The following NKAIN3 variants were observed in gnomAD, a reference collection of about 807,000 sequenced individuals.
NKAIN3 encodes sodium/potassium-transporting ATPase subunit beta-1-interacting protein 3.
In NKAIN3, 25 loss-of-function variants were observed where a neutral mutation model predicts 30.2. The observed-to-expected ratio is 0.83, with a 90% CI of 0.60 to 1.16. The LOEUF is 1.16. Among genes scored for constraint, NKAIN3 ranks in the 50% most tolerant of loss-of-function variants. The pLI is 0.00. For missense variants in NKAIN3, 225 were observed against 254.1 expected, an observed-to-expected ratio of 0.89 and a Z score of 0.78; for synonymous variants, 91 against 89.6, an observed-to-expected ratio of 1.02 and a Z score of -0.09.
rs186897940 is a variant in NKAIN3 at position 62,738,669 on chromosome 8, G to T, written c.274-8263G>T. Among the ~76,000 whole-genome samples the T allele has an allele frequency of 5.4e-5, 8 of 148,490 alleles. No homozygotes were observed. In the East Asian group the frequency reaches 1.6e-3, roughly 29 times the overall value. On this transcript the variant is annotated intron_variant, in intron 3 of 6. Coordinates refer to ENST00000623646, the MANE Select transcript of NKAIN3 (RefSeq NM_001304533.3). ...ATATCATATCCTTTGCCCACTTTTT[G>T]ATGGGGTTGTTTTTTCTTGTAAATT...
intron 4 of NKAIN3, among the ~76,000 whole-genome samples, chr8:62,888,017 T>C (rs1352307242): frequency 6.6e-6 from 1 of 152,090 alleles, no homozygotes; most frequent in Non-Finnish European, 1.5e-5. Flanking sequence ...AACGATGTGG[T>C]GGTAAGGTGT....
chr8:62,675,002 G>C (rs1225999934), intron 3 of NKAIN3, among the ~76,000 whole-genome samples: 6 of 152,176 alleles, frequency 3.9e-5, no homozygotes, highest in Non-Finnish European at 7.3e-5. Context: ...CGTCTGCACA[G>C]GCTTCCTTCA....
intron 4 of NKAIN3, among the ~76,000 whole-genome samples, chr8:62,870,648 T>G (rs1263005664): frequency 1.4e-5 from 2 of 139,058 alleles, no homozygotes; most frequent in African/African-American, 2.9e-5. Context: ...TATATATATA[T>G]CTATATCTAG....
At chr8:62,512,922 G>A (rs1372307544) in intron 1 of NKAIN3, among the ~76,000 whole-genome samples, 2 of 152,066 alleles carry the variant, frequency 1.3e-5, no homozygotes, top group South Asian at 2.1e-4. Flanking sequence ...CTCCCAACAA[G>A]TATTTAGAAA....
chr8:62,580,877 G>A (rs2957797), intron 2 of NKAIN3, among the ~76,000 whole-genome samples: 32,537 of 148,920 alleles, frequency 0.22, 3,668 homozygotes, highest in East Asian at 0.31. Flanking sequence ...GATTGCTTGA[G>A]CTCAGGAGTT....
chr8:62,325,832 T>C (rs981395073), intron 1 of NKAIN3, among the ~76,000 whole-genome samples: 8 of 152,004 alleles, frequency 5.3e-5, no homozygotes, highest in African/African-American at 1.9e-4. Flanking sequence ...TTTTTGAGAA[T>C]TGTCTATTCA....
At chr8:62,718,060 G>T (rs781141679) in intron 3 of NKAIN3, among the ~76,000 whole-genome samples, 16 of 152,250 alleles carry the variant, frequency 1.1e-4, no homozygotes, top group Non-Finnish European at 2.1e-4. Context: ...GAGAGAATGA[G>T]GAAGAAAAAG....
chr8:62,956,084 G>C (rs1823410168), intron 6 of NKAIN3, among the ~76,000 whole-genome samples: 1 of 152,228 alleles, frequency 6.6e-6, no homozygotes, highest in Non-Finnish European at 1.5e-5. Context: ...TAAGAGGTCA[G>C]TATCTGTACT....
intron 1 of NKAIN3, among the ~76,000 whole-genome samples, chr8:62,446,461 A>C (rs975937114): frequency 6.6e-6 from 1 of 152,094 alleles, no homozygotes; most frequent in East Asian, 1.9e-4. Flanking sequence ...TTGTGGCAAA[A>C]TATGCATAAC....
intron 1 of NKAIN3, among the ~76,000 whole-genome samples, chr8:62,322,455 C>T (rs1367089087): frequency 6.7e-6 from 1 of 148,530 alleles, no homozygotes; most frequent in African/African-American, 2.6e-5. Flanking sequence ...TGTTGCTATT[C>T]AGCATCTTGG....
chr8:62,414,273 G>A (rs1007508824), intron 1 of NKAIN3, among the ~76,000 whole-genome samples: 22 of 151,982 alleles, frequency 1.4e-4, no homozygotes, highest in African/African-American at 5.3e-4. Flanking sequence ...TGTTTCAATG[G>A]GATTTTCTGT....
chr8:62,847,220 G>A (rs1819717739), intron 4 of NKAIN3, among the ~76,000 whole-genome samples: 1 of 152,118 alleles, frequency 6.6e-6, no homozygotes. Flanking sequence ...GGATTGCTGG[G>A]CCAAATGGTA....
Position 62,518,498 on chromosome 8 carries a change from G to A in NKAIN3, c.55-61041G>A, listed in dbSNP as rs191098874. 2.9e-4 allele frequency among the ~76,000 whole-genome samples: 44 copies of A among 152,234 alleles called. 1 individual carries two copies. The highest frequency in any genetic ancestry group is 4.4e-4 in the Non-Finnish European group (30 of 68,006). ...AGTAATAGTGCCTCCTCCTTGGGGT[G>A]TTGGAATATCAAATAGGATAATGCA... On this transcript the variant is annotated intron_variant, in intron 1 of 6. Coordinates refer to ENST00000623646, the MANE Select transcript of NKAIN3 (RefSeq NM_001304533.3).
chr8:62,921,753 T>A (rs954889323), intron 5 of NKAIN3, among the ~76,000 whole-genome samples: 2 of 152,210 alleles, frequency 1.3e-5, no homozygotes, highest in Non-Finnish European at 2.9e-5. Flanking sequence ...TTCATGAGAC[T>A]AGAATCTCTG....
chr8:62,802,286 T>C (rs1431009768), intron 4 of NKAIN3, among the ~76,000 whole-genome samples: 1 of 152,054 alleles, frequency 6.6e-6, no homozygotes, highest in Non-Finnish European at 1.5e-5. Context: ...AAGATACTCC[T>C]CGAGAAGAGC....
rs78188787 is a variant in NKAIN3, at chr8:62,927,087, C to T, written c.532+8574C>T. On this transcript the variant is annotated intron_variant, in intron 5 of 6. Transcript: ENST00000623646. ...TTTAACTTTCCTGTCTGTCATACTC[C>T]TTTCCTCCACATCCCAACTTCTCTC... 8.9e-4 allele frequency among the ~76,000 whole-genome samples: 135 copies of T among 152,278 alleles called. 1 individual carries two copies. Among genetic ancestry groups the T allele is most frequent in the African/African-American group, 3.1e-3 (128 of 41,560 alleles).
chr8:62,335,355 G>A (rs911010109), intron 1 of NKAIN3, among the ~76,000 whole-genome samples: 7 of 149,960 alleles, frequency 4.7e-5, no homozygotes, highest in African/African-American at 1.7e-4. Flanking sequence ...GAACTCGGGA[G>A]GTGGAGGTTG....
intron 4 of NKAIN3, among the ~76,000 whole-genome samples, chr8:62,803,706 T>A (rs991606686): frequency 6.6e-6 from 1 of 151,984 alleles, no homozygotes; most frequent in African/African-American, 2.4e-5. Flanking sequence ...TTAAAAGAAC[T>A]AGAAAAGCAA....
intron 1 of NKAIN3, among the ~76,000 whole-genome samples, chr8:62,570,159 C>T (rs1463847569): frequency 6.6e-6 from 1 of 152,174 alleles, no homozygotes; most frequent in Non-Finnish European, 1.5e-5. Context: ...TCCAGGGGTA[C>T]TCACTCCACA....
Sources: allele counts gnomAD v4.1 joint callset (sites outside exome capture counted in the v4.1 genomes callset), GRCh38; gene constraint gnomAD v4.1.1; transcripts MANE v1.5; gene names NCBI Gene and HGNC (gene_info 2026-07-23, HGNC 2026-07-21).